Variants in DSCAM observed in about 807,000 individuals in gnomAD.
DSCAM encodes the protein cell adhesion molecule DSCAM.
In DSCAM, 47 loss-of-function variants were observed where a neutral mutation model predicts 217.7. The observed-to-expected ratio is 0.22, with a 90% CI of 0.17 to 0.28. The LOEUF (loss-of-function observed/expected upper bound fraction) is 0.28. Ranked by LOEUF, DSCAM falls within the 10% of genes least tolerant of loss-of-function variation. The pLI is 1.00. For synonymous variants in DSCAM, 1,056 were observed against 1,015.3 expected (o/e 1.04, Z -0.76); for missense variants, 2,080 against 2,618.3 (o/e 0.79, Z 4.49).
In DSCAM at chr21:40,483,961, G is replaced by C. The variant is rs538637969; in HGVS notation, c.509-114716C>G. Among the ~76,000 whole-genome samples the C allele has an allele frequency of 5.9e-5, 9 of 152,266 alleles. No homozygotes were observed. The East Asian group carries it at 1.5e-3, about 26-fold the overall frequency. On this transcript the variant is annotated intron_variant, in intron 3 of 32. Transcript: ENST00000400454. Reference sequence around the variant, plus strand: ...GAGGAAGTATTTTTAATTTTTCTGAGAGGTAAGCAATTTTAATCCTGACAT... The same window carrying C: ...GAGGAAGTATTTTTAATTTTTCTGACAGGTAAGCAATTTTAATCCTGACAT...
At chr21:40,014,382 TCAAACAAAA>T (rs2088119014) in intron 32 of DSCAM, among the ~76,000 whole-genome samples, 1 of 141,510 alleles carries the variant, frequency 7.1e-6, no homozygotes, top group African/African-American at 2.6e-5. Context: ...AGAGCAAGAC[TCAAACAAAA>T]CAAAACAAAA....
At chr21:40,711,154 A>ATTTGTTATGGCAGAAG (rs2090775357) in intron 1 of DSCAM, among the ~76,000 whole-genome samples, 1 of 152,182 alleles carries the variant, frequency 6.6e-6, no homozygotes, top group Admixed American at 6.5e-5. Flanking sequence ...GTGGCATAAC[A>ATTTGTTATGGCAGAAG]GTCCCCCCTC....
chr21:40,661,232 T>C (rs2090136398), intron 3 of DSCAM, among the ~76,000 whole-genome samples: 1 of 152,190 alleles, frequency 6.6e-6, no homozygotes, highest in South Asian at 2.1e-4. Flanking sequence ...GATTCACAAA[T>C]ACGTTGCAGA....
At chr21:40,788,997 T>C (rs2091616531) in intron 1 of DSCAM, among the ~76,000 whole-genome samples, 1 of 152,190 alleles carries the variant, frequency 6.6e-6, no homozygotes, top group African/African-American at 2.4e-5. Flanking sequence ...GAAAAAAATA[T>C]GAGTATTTTT....
At position 40,465,542 on chromosome 21, in the gene DSCAM, C is replaced by T. The variant is rs540307693; in HGVS notation, c.509-96297G>A. On this transcript the variant is annotated intron_variant, in intron 3 of 32. Transcript: ENST00000400454. ...ATGAGACGAGCCATTCATCTCATTT[C>T]CTTTAGAGCACGCATGTCCCACCCG... Among the ~76,000 whole-genome samples, 9 of 152,318 alleles carry T rather than the reference C, an allele frequency of 5.9e-5. No individual in the cohort carries two copies. The South Asian group carries it at 1.2e-3, about 21-fold the overall frequency.
chr21:40,561,143 T>C (rs2076717359), intron 3 of DSCAM, among the ~76,000 whole-genome samples: 1 of 152,220 alleles, frequency 6.6e-6, no homozygotes, highest in Non-Finnish European at 1.5e-5. Context: ...GGTAAGAGCA[T>C]AGGCTTTCGA....
chr21:40,147,905 C>T (rs186157454), intron 16 of DSCAM, among the ~76,000 whole-genome samples: 6 of 152,246 alleles, frequency 3.9e-5, no homozygotes, highest in Admixed American at 3.9e-4. Context: ...CTATGTTAGA[C>T]ACCTTCACAA....
intron 3 of DSCAM, among the ~76,000 whole-genome samples, chr21:40,648,457 T>C (rs921317072): frequency 4.0e-5 from 6 of 151,894 alleles, no homozygotes; most frequent in Non-Finnish European, 8.8e-5. Flanking sequence ...AGGCAGACAG[T>C]GGTGGGTCCC....
chr21:40,202,543 C>T (rs369552957), intron 11 of DSCAM, among the ~76,000 whole-genome samples: 1 of 152,162 alleles, frequency 6.6e-6, no homozygotes, highest in African/African-American at 2.4e-5. Flanking sequence ...AATTTCTGTA[C>T]CTATAATTAC....
chr21:40,227,040 G>A (rs1251601422), intron 11 of DSCAM, among the ~76,000 whole-genome samples: 1 of 151,934 alleles, frequency 6.6e-6, no homozygotes, highest in Non-Finnish European at 1.5e-5. Flanking sequence ...AAGGATAATG[G>A]TCTCCAGCTC....
chr21:40,364,242 G>A (rs1198249326), intron 4 of DSCAM, among the ~76,000 whole-genome samples: 1 of 152,062 alleles, frequency 6.6e-6, no homozygotes, highest in Non-Finnish European at 1.5e-5. Context: ...TGTTTATTGA[G>A]GCATTATTCA....
chr21:40,488,707 A>C (rs193298326), intron 3 of DSCAM, among the ~76,000 whole-genome samples: 1 of 152,218 alleles, frequency 6.6e-6, no homozygotes, highest in South Asian at 2.1e-4. Flanking sequence ...GAACAGTGAA[A>C]AGAAAAAGCT....
chr21:40,150,187 T>G (rs1033772934), intron 16 of DSCAM, among the ~76,000 whole-genome samples: 11 of 152,238 alleles, frequency 7.2e-5, no homozygotes, highest in African/African-American at 2.7e-4. Flanking sequence ...TCAAGGCAAG[T>G]ACAGGGTAGG....
In DSCAM at chr21:40,406,912, C is replaced by T. The variant is rs1199152477; in HGVS notation, c.509-37667G>A. ...GGGATTACATATGTGAGCCACCGCA[C>T]CCAGCCTCATAGGTAGAATCTAAAA... On this transcript the variant is annotated intron_variant, in intron 3 of 32. Coordinates refer to ENST00000400454, the MANE Select transcript of DSCAM (RefSeq NM_001389.5). Among the ~76,000 whole-genome samples, 3 of 152,130 alleles carry T rather than the reference C, an allele frequency of 2.0e-5. No individual in the cohort carries two copies. In the East Asian group the frequency reaches 5.8e-4, roughly 29 times the overall value.
chr21:40,287,138 G>A (rs538921783), intron 10 of DSCAM, among the ~76,000 whole-genome samples: 6 of 151,494 alleles, frequency 4.0e-5, no homozygotes, highest in Non-Finnish European at 1.5e-5. Flanking sequence ...AGCATGATCT[G>A]CAGCATGATC....
chr21:40,345,208 G>T (rs2074544801), intron 6 of DSCAM, among the ~76,000 whole-genome samples: 1 of 152,064 alleles, frequency 6.6e-6, no homozygotes, highest in Admixed American at 6.6e-5. Context: ...GTCCTTGTTT[G>T]CCAGTTCTAA....
At chr21:40,162,970 C>T (rs987730349) in intron 16 of DSCAM, among the ~76,000 whole-genome samples, 1 of 151,892 alleles carries the variant, frequency 6.6e-6, no homozygotes, top group Non-Finnish European at 1.5e-5. Context: ...AGGAAAAAAA[C>T]TCTGTCTTAA....
chr21:40,328,853 T>C (rs1601555126), intron 8 of DSCAM, among the ~76,000 whole-genome samples: 1 of 152,092 alleles, frequency 6.6e-6, no homozygotes, highest in African/African-American at 2.4e-5. Flanking sequence ...AAATGGGCAA[T>C]GAACCTGAAT....
intron 3 of DSCAM, among the ~76,000 whole-genome samples, chr21:40,674,140 T>C (rs2090309461): frequency 6.6e-6 from 1 of 152,180 alleles, no homozygotes; most frequent in African/African-American, 2.4e-5. Flanking sequence ...TCCTAATCTC[T>C]CCATGGACAC....
Sources: allele counts gnomAD v4.1 joint callset (sites outside exome capture counted in the v4.1 genomes callset), GRCh38; gene constraint gnomAD v4.1.1; transcripts MANE v1.5; gene names NCBI Gene and HGNC (gene_info 2026-07-23, HGNC 2026-07-21).